REXO5: variants seen among roughly 807,000 people sequenced by gnomAD.
REXO5 encodes the protein RNA exonuclease 5, also known as exonuclease NEF-sp.
Under a neutral mutation model 88.5 loss-of-function variants are expected in REXO5, and 48 were observed. The ratio of observed to expected loss-of-function variants is 0.54; its 90% confidence interval spans 0.43 to 0.69. The LOEUF is 0.69. Ranked by LOEUF, REXO5 falls within the 30% of genes least tolerant of loss-of-function variation. The pLI, the probability that REXO5 is intolerant of heterozygous loss-of-function variation, is 0.00. For missense variants in REXO5, 749 were observed against 912.2 expected (o/e 0.82, Z 2.30); for synonymous variants, 311 against 336.5 (o/e 0.92, Z 0.83).
chr16:20,848,329 T>C (rs1168210857), intron 19 of REXO5, among the ~76,000 whole-genome samples: 1 of 152,214 alleles, frequency 6.6e-6, no homozygotes, highest in African/African-American at 2.4e-5. Flanking sequence ...TTTTGGTAGC[T>C]TCTTAAATTA....
chr16:20,808,029 T>C lies in REXO5; in HGVS notation c.138+938T>C, dbSNP rs1032472065. Among the ~76,000 whole-genome samples, 6 of 152,124 alleles carry C rather than the reference T, an allele frequency of 3.9e-5. No individual in the cohort carries two copies. In the East Asian group the frequency reaches 7.7e-4, roughly 20 times the overall value. The stretch of plus-strand genomic sequence containing the variant: ...GCTCCACCTAGGCATTAGATTCTCA[T>C]AGGAATGTGCCAAACCTATTGTGAG... On this transcript the variant is annotated intron_variant, in intron 2 of 19. Transcript: ENST00000261377.
rs544594537 is a variant in REXO5, at chr16:20,816,494, T to TTTTG, written c.475+306_475+309dup. Among the ~76,000 whole-genome samples the TTTTG allele has an allele frequency of 6.2e-3, 939 of 151,974 alleles. 6 individuals are homozygous for TTTTG. Among genetic ancestry groups the TTTTG allele is most frequent in the African/African-American group, 0.013 (556 of 41,450 alleles). The stretch of plus-strand genomic sequence containing the variant: ...CAGCACAGGCCACATCCCCAGCTAA[T>TTTTG]TTTGTTTGTTTGTTTGTTTGTTTGT... On this transcript the variant is annotated intron_variant, in intron 5 of 19. Coordinates refer to ENST00000261377, the MANE Select transcript of REXO5 (RefSeq NM_030941.3).
Position 20,833,055 on chromosome 16 carries a change from G to A in REXO5, c.1315G>A (p.Glu439Lys), listed in dbSNP as rs753174174. 1 of 1,613,532 alleles carries A rather than the reference G, an allele frequency of 6.2e-7. No individual in the cohort carries two copies. Among genetic ancestry groups the A allele is most frequent in the East Asian group, 2.2e-5 (1 of 44,884 alleles). Reference protein sequence around the residue: ...VGQKLLFLTRETDAGELPSSR... With the variant: ...VGQKLLFLTRKTDAGELPSSR... ...TCAGAAGCTTCTTTTTTTGACCCGG[G>A]AGACAGATGCTGGTGAACTTCCATC... The change falls in exon 13 of 20, where the codon GAG becomes AAG. Residue 439 changes from glutamate to lysine, a missense_variant. By Grantham distance (56) the Glu-to-Lys change is moderately conservative. Coordinates refer to ENST00000261377, the MANE Select transcript of REXO5 (RefSeq NM_030941.3).
intron 13 of REXO5, among the ~76,000 whole-genome samples, chr16:20,838,262 T>C (rs2081468165): frequency 6.6e-6 from 1 of 152,176 alleles, no homozygotes; most frequent in Non-Finnish European, 1.5e-5. Flanking sequence ...CCTGCCTCTC[T>C]TCTTATTGTA....
Position 20,833,552 on chromosome 16 carries a change from G to C in REXO5, c.1383+429G>C, listed in dbSNP as rs142805764. Among the ~76,000 whole-genome samples the C allele has an allele frequency of 3.8e-3, 570 of 151,906 alleles. 2 individuals carry two copies. The highest frequency in any genetic ancestry group is 6.8e-3 in the Middle Eastern group (2 of 294). On this transcript the variant is annotated intron_variant, in intron 13 of 19. Coordinates refer to ENST00000261377, the MANE Select transcript of REXO5 (RefSeq NM_030941.3). ...TGTGTTTGTTTTTTTTTAACATTTT[G>C]TTTGTAAATAATTTCAACCTTACAG...
chr16:20,814,871 A>G, intron 3 of REXO5, 56 bp from the exon 4 acceptor site: 1 of 1,548,832 alleles, frequency 6.5e-7, no homozygotes, highest in Non-Finnish European at 8.7e-7. Context: ...CCTCTATATG[A>G]CTGTAACTGA....
intron 18 of REXO5, among the ~76,000 whole-genome samples, chr16:20,845,606 T>C (rs2081595754): frequency 6.6e-6 from 1 of 152,154 alleles, no homozygotes; most frequent in Non-Finnish European, 1.5e-5. Context: ...TTTATGATTA[T>C]GGACTTGTCC....
chr16:20,832,443 A>G (rs927679791), intron 12 of REXO5, among the ~76,000 whole-genome samples, 184 bp downstream of exon 12: 6 of 151,750 alleles, frequency 4.0e-5, no homozygotes, highest in African/African-American at 1.5e-4. Context: ...TATAGTATTT[A>G]ATTTCTAATT....
intron 19 of REXO5, 64 bp downstream of exon 19, chr16:20,846,403 A>G (rs1481632147): frequency 3.2e-6 from 4 of 1,261,092 alleles, no homozygotes; most frequent in Non-Finnish European, 4.6e-6. Context: ...TTCTTAGAGA[A>G]AAAGCCTTTT....
chr16:20,813,936 C>A (rs1259360417), intron 3 of REXO5, among the ~76,000 whole-genome samples: 2 of 151,884 alleles, frequency 1.3e-5, no homozygotes, highest in East Asian at 3.9e-4. Context: ...ATTGTTGGTG[C>A]CATTATTAAG....
intron 11 of REXO5, among the ~76,000 whole-genome samples, chr16:20,830,688 C>T (rs1250064449): frequency 6.6e-6 from 1 of 152,094 alleles, no homozygotes; most frequent in Non-Finnish European, 1.5e-5. Flanking sequence ...ATAAGTTCCT[C>T]CCTAGGTGAG....
intron 4 of REXO5, 118 bp downstream of exon 4, chr16:20,815,171 A>G (rs2081062134): frequency 1.8e-6 from 2 of 1,131,692 alleles, no homozygotes; most frequent in Non-Finnish European, 1.2e-6. Flanking sequence ...GGGGATATAG[A>G]AAGCAAAAAG....
chr16:20,847,980 G>A (rs953407952), intron 19 of REXO5, among the ~76,000 whole-genome samples: 11 of 152,208 alleles, frequency 7.2e-5, no homozygotes, highest in African/African-American at 2.2e-4. Context: ...AAACACTTAA[G>A]TTGTGACTGA....
At chr16:20,807,301 G>T in intron 2 of REXO5, 2 of 607,858 alleles carry the variant, frequency 3.3e-6, no homozygotes, top group Non-Finnish European at 5.6e-6. Context: ...TGAGTCGGCC[G>T]AGTGCGGTGG....
chr16:20,829,731 A>T (rs1313360334), intron 11 of REXO5, among the ~76,000 whole-genome samples: 1 of 152,148 alleles, frequency 6.6e-6, no homozygotes, highest in African/African-American at 2.4e-5. Context: ...TATCATTCCA[A>T]TTTTATACAT....
chr16:20,807,067 C>T lies in REXO5; in HGVS notation c.114C>T (p.Leu38=), dbSNP rs61737146. ...AGGCGATGAAAGCCGGTTGGGATCT[C>T]GAGGAGAGTCAGCCCGAGGCCAAGG... ...AAEAMKAGWD[L]EESQPEAKKA... Residue 38 remains leucine (L), a synonymous_variant, in exon 2 of 20, where the codon CTC becomes CTT. Coordinates refer to ENST00000261377, the MANE Select transcript of REXO5 (RefSeq NM_030941.3). The T allele has an allele frequency of 2.8e-4, 448 of 1,604,602 alleles. 1 individual carries two copies. Among genetic ancestry groups the T allele is most frequent in the Middle Eastern group, 3.3e-4 (2 of 5,980 alleles).
chr16:20,829,825 G>A (rs2081314018), intron 11 of REXO5, among the ~76,000 whole-genome samples: 1 of 152,158 alleles, frequency 6.6e-6, no homozygotes, highest in Admixed American at 6.5e-5. Context: ...TGAAACCCAG[G>A]TCTGTCACAT....
chr16:20,845,963 C>G (rs1304331143), intron 18 of REXO5, among the ~76,000 whole-genome samples: 1 of 152,158 alleles, frequency 6.6e-6, no homozygotes, highest in African/African-American at 2.4e-5. Flanking sequence ...GCTCCCCTAG[C>G]TTGGGGTCTT....
At chr16:20,828,326 T>A in intron 10 of REXO5, 109 bp from the exon 11 acceptor site, 1 of 698,270 alleles carries the variant, frequency 1.4e-6, no homozygotes, top group Admixed American at 2.5e-5. Flanking sequence ...GATGCAAATC[T>A]AATTATCAGA....
Sources: allele counts gnomAD v4.1 joint callset (sites outside exome capture counted in the v4.1 genomes callset), GRCh38; gene constraint gnomAD v4.1.1; transcripts MANE v1.5; gene names NCBI Gene and HGNC (gene_info 2026-07-23, HGNC 2026-07-21).